SYNJ2: variants seen among roughly 807,000 people sequenced by gnomAD.
SYNJ2 encodes the protein synaptojanin 2.
A neutral mutation model predicts 141.3 loss-of-function variants in SYNJ2; 116 were observed. The observed-to-expected ratio is 0.82, with a 90% CI of 0.71 to 0.96. The LOEUF is 0.96. Among genes scored for constraint, SYNJ2 ranks in the 40% least tolerant of loss-of-function variants. SYNJ2 has a pLI of 0.00. For synonymous variants in SYNJ2, 745 were observed against 777.7 expected (o/e 0.96, Z 0.70); for missense variants, 1,873 against 1,934.8 (o/e 0.97, Z 0.60).
At chr6:158,002,747 G>T (rs1367690758) in intron 1 of SYNJ2, among the ~76,000 whole-genome samples, 1 of 152,182 alleles carries the variant, frequency 6.6e-6, no homozygotes, top group Non-Finnish European at 1.5e-5. Context: ...GAGGGTTGGG[G>T]CTACCAGGCC....
At chr6:158,019,053 A>G (rs1208539585) in intron 2 of SYNJ2, among the ~76,000 whole-genome samples, 1 of 152,232 alleles carries the variant, frequency 6.6e-6, no homozygotes, top group Non-Finnish European at 1.5e-5. Context: ...CCTGCCTTGC[A>G]GGTGTGGCAG....
chr6:158,066,799 C>T (rs1317542836), intron 12 of SYNJ2, 164 bp downstream of exon 12: 11 of 767,310 alleles, frequency 1.4e-5, no homozygotes, highest in Non-Finnish European at 2.3e-5. Flanking sequence ...AATGCTGCCT[C>T]GCAAGTAACT....
At chr6:158,067,274 C>T (rs926469415) in intron 12 of SYNJ2, among the ~76,000 whole-genome samples, 7 of 152,276 alleles carry the variant, frequency 4.6e-5, no homozygotes, top group Non-Finnish European at 7.3e-5. Context: ...CTGCCACAGC[C>T]TCCCAAAGTG....
At chr6:158,053,052 C>A (rs1780654679) in intron 5 of SYNJ2, among the ~76,000 whole-genome samples, 1 of 152,200 alleles carries the variant, frequency 6.6e-6, no homozygotes, top group South Asian at 2.1e-4. Context: ...TTGGAGAATG[C>A]AAGCCTTCTT....
intron 11 of SYNJ2, among the ~76,000 whole-genome samples, chr6:158,065,422 GAGA>G (rs1368783859): frequency 6.6e-6 from 1 of 152,180 alleles, no homozygotes; most frequent in African/African-American, 2.4e-5. Context: ...TGTGGAAACA[GAGA>G]AGGAGGATGC....
chr6:158,064,996 G>A lies in SYNJ2; in HGVS notation c.1525+5G>A. On this transcript the variant is annotated splice_donor_5th_base_variant and intron_variant, in intron 11 of 26. Coordinates refer to ENST00000355585, the MANE Select transcript of SYNJ2 (RefSeq NM_003898.4). ...TGGACAGCACGGCGCTCCTGGGTAG[G>A]GCCTGCCGCAGACAGGGCGAGGCAG... The A allele has an allele frequency of 6.4e-7, 1 of 1,552,770 alleles. No homozygotes were observed. Among genetic ancestry groups the A allele is most frequent in the Non-Finnish European group, 8.7e-7 (1 of 1,146,266 alleles).
At chr6:158,068,990 G>T (rs1254075880) in intron 13 of SYNJ2, among the ~76,000 whole-genome samples, 1 of 152,184 alleles carries the variant, frequency 6.6e-6, no homozygotes, top group Non-Finnish European at 1.5e-5. Flanking sequence ...TCGGCCACTT[G>T]TTGAGGCTAA....
chr6:158,008,123 A>G (rs906330589), intron 1 of SYNJ2, among the ~76,000 whole-genome samples: 1 of 152,060 alleles, frequency 6.6e-6, no homozygotes, highest in Non-Finnish European at 1.5e-5. Context: ...TGGTGTGTGT[A>G]GACATCTGCT....
At chr6:158,038,652 C>T (rs771987188) in intron 4 of SYNJ2, among the ~76,000 whole-genome samples, 1 of 152,246 alleles carries the variant, frequency 6.6e-6, no homozygotes, top group Non-Finnish European at 1.5e-5. Flanking sequence ...CAAAGCCTGA[C>T]TGAGCCTGCC....
chr6:158,088,122 G>A (rs905440421), intron 23 of SYNJ2, among the ~76,000 whole-genome samples: 4 of 121,268 alleles, frequency 3.3e-5, no homozygotes, highest in East Asian at 2.4e-4. Context: ...GCAGTGGTGC[G>A]ATCTCACAGC....
At chr6:158,067,305 C>G (rs1434164767) in intron 12 of SYNJ2, 11 of 514,388 alleles carry the variant, frequency 2.1e-5, no homozygotes, top group African/African-American at 1.0e-4. Flanking sequence ...AGGCATGCGC[C>G]ACCGCGCCTG....
chr6:158,076,449 G>A (rs556878033), intron 16 of SYNJ2, among the ~76,000 whole-genome samples, 177 bp from the exon 17 acceptor site: 74 of 152,284 alleles, frequency 4.9e-4, no homozygotes, highest in African/African-American at 1.7e-3. Context: ...ATGAGCTGAG[G>A]ATCACTTTTT....
chr6:157,986,678 A>C (rs531465138), intron 1 of SYNJ2, among the ~76,000 whole-genome samples: 1 of 152,204 alleles, frequency 6.6e-6, no homozygotes, highest in African/African-American at 2.4e-5. Context: ...CGTGATTTCA[A>C]ATCTTACCAG....
Position 158,076,696 on chromosome 6 carries a change from C to T in SYNJ2, c.2363C>T (p.Ala788Val). ...TACAAGTATGACGTTGGCTCAGCCG[C>T]CTACGATACAAGCGACAAATGCCGC... ...PTYKYDVGSAAYDTSDKCRTP... is the reference protein window; with the variant it reads ...PTYKYDVGSAVYDTSDKCRTP... Residue 788 changes from alanine to valine, a missense_variant, in exon 17 of 27, where the codon GCC becomes GTC. By Grantham distance (64) the Ala-to-Val change is moderately conservative (BLOSUM62 0). Coordinates refer to ENST00000355585, the MANE Select transcript of SYNJ2 (RefSeq NM_003898.4). The T allele has an allele frequency of 1.2e-6, 2 of 1,614,190 alleles. No individual in the cohort carries two copies. Among genetic ancestry groups the T allele is most frequent in the East Asian group, 2.2e-5 (1 of 44,872 alleles).
chr6:158,057,277 A>T (rs1780924387), intron 6 of SYNJ2, among the ~76,000 whole-genome samples: 1 of 152,168 alleles, frequency 6.6e-6, no homozygotes, highest in Admixed American at 6.5e-5. Context: ...AGAAGCCCGT[A>T]TGATGCCGAC....
intron 1 of SYNJ2, among the ~76,000 whole-genome samples, chr6:157,996,881 G>T (rs766674702): frequency 1.3e-5 from 2 of 152,150 alleles, no homozygotes; most frequent in African/African-American, 4.8e-5. Flanking sequence ...CATGCTTCCC[G>T]TATAGCCTAC....
Position 158,092,917 on chromosome 6 carries a change from A to G in SYNJ2, c.3566-9A>G, listed in dbSNP as rs199561560. On this transcript the variant is annotated splice_polypyrimidine_tract_variant and intron_variant, in intron 25 of 26. Transcript: ENST00000355585. The stretch of plus-strand genomic sequence containing the variant: ...CTTTACACTTCAGCCATGTGGTTTT[A>G]TGTTTCAGGTGCCTCCGAAGAAGCC... 1.3e-6 allele frequency: 2 copies of G among 1,577,742 alleles called. No homozygotes were observed. The highest frequency in any genetic ancestry group is 2.2e-5 in the East Asian group (1 of 44,534).
At chr6:158,079,405 C>T (rs1264115682) in intron 18 of SYNJ2, 2 of 141,116 alleles carry the variant, frequency 1.4e-5, no homozygotes, top group African/African-American at 5.4e-5. Context: ...TTTTTTGAGA[C>T]AGAGTCCTCC....
At chr6:158,092,379 G>A (rs1216261348) in intron 25 of SYNJ2, among the ~76,000 whole-genome samples, 1 of 152,214 alleles carries the variant, frequency 6.6e-6, no homozygotes, top group Non-Finnish European at 1.5e-5. Flanking sequence ...GGTGGCTCAC[G>A]CCTGTAATCC....
Sources: allele counts gnomAD v4.1 joint callset (sites outside exome capture counted in the v4.1 genomes callset), GRCh38; gene constraint gnomAD v4.1.1; transcripts MANE v1.5; gene names NCBI Gene and HGNC (gene_info 2026-07-23, HGNC 2026-07-21).